RFC5: variants seen among roughly 807,000 people sequenced by gnomAD.
The protein encoded by RFC5 is replication factor C subunit 5.
A neutral mutation model predicts 44.3 loss-of-function variants in RFC5; 26 were observed. The ratio of observed to expected loss-of-function variants is 0.59; its 90% CI spans 0.43 to 0.81. The LOEUF is 0.81. Ranked by LOEUF, RFC5 falls within the 40% of genes least tolerant of loss-of-function variation. RFC5 has a pLI of 0.00. For missense variants in RFC5, 328 were observed against 418.6 expected, an observed-to-expected ratio of 0.78 and a Z score of 1.89; for synonymous variants, 155 against 155.2, an observed-to-expected ratio of 1.00 and a Z score of 0.01.
chr12:118,023,594 G>A (rs1395406896), intron 5 of RFC5, among the ~76,000 whole-genome samples: 2 of 152,058 alleles, frequency 1.3e-5, no homozygotes, highest in African/African-American at 4.8e-5. Flanking sequence ...TCTGCCGAGT[G>A]ACTGTCATTC....
chr12:118,029,944 T>G, intron 10 of RFC5, 119 bp downstream of exon 10: 1 of 766,392 alleles, frequency 1.3e-6, no homozygotes. Context: ...TACGGTACAA[T>G]CTAGTCTGGT....
At chr12:118,036,528 TG>T, downstream of RFC5, 1 of 1,602,226 alleles carries the variant, frequency 6.2e-7, no homozygotes, top group Non-Finnish European at 8.5e-7. Context: ...AAGTAAGAAG[TG>T]CCTGGTTAGG....
At chr12:118,020,625 C>T (rs1348014943) in intron 3 of RFC5, among the ~76,000 whole-genome samples, 1 of 152,192 alleles carries the variant, frequency 6.6e-6, no homozygotes, top group Non-Finnish European at 1.5e-5. Flanking sequence ...TATCATTCTG[C>T]TCATACCAGA....
downstream of RFC5, chr12:118,032,618 G>A (rs1461752739): frequency 6.6e-6 from 1 of 152,042 alleles, no homozygotes; most frequent in Non-Finnish European, 1.5e-5. Context: ...CAGAACCACA[G>A]GTAAATGCCA....
chr12:118,035,621 A>G (rs1185154171), downstream of RFC5: 3 of 330,466 alleles, frequency 9.1e-6, no homozygotes, highest in Admixed American at 9.2e-5. Flanking sequence ...TTTTTAGGCT[A>G]AGATACATGA....
chr12:118,028,623 A>T (rs2137735628), intron 9 of RFC5, among the ~76,000 whole-genome samples: 1 of 151,462 alleles, frequency 6.6e-6, no homozygotes, highest in Admixed American at 6.6e-5. Flanking sequence ...AGTAAGTAGT[A>T]TATATTAATT....
At chr12:118,040,001 C>T in the RFC5 span, among the ~76,000 whole-genome samples, 5 of 152,004 alleles carry the variant, frequency 3.3e-5, no homozygotes, top group Admixed American at 6.6e-5. Context: ...CCGCCTTGGC[C>T]TCCCAAAGTG....
In RFC5 at chr12:118,029,834, T is replaced by C. The variant is rs774890022; in HGVS notation, c.926+9T>C. ...AAAATGGCAGACATTGAGTGAGTAC[T>C]TCTTGCCCCAGTTTTAATTCTTTTC... On this transcript the variant is annotated intron_variant, in intron 10 of 10. Transcript: ENST00000454402. 6 of 1,575,174 alleles carry C rather than the reference T, an allele frequency of 3.8e-6. No individual in the cohort carries two copies. The African/African-American group carries it at 8.1e-5, about 21-fold the overall frequency.
chr12:118,023,943 G>A (rs1047122738), intron 5 of RFC5, among the ~76,000 whole-genome samples: 1 of 152,086 alleles, frequency 6.6e-6, no homozygotes, highest in Non-Finnish European at 1.5e-5. Flanking sequence ...TAGGCAGGGC[G>A]CAGTGGCTCA....
chr12:118,034,075 A>G (rs2031443143), downstream of RFC5: 16 of 1,364,190 alleles, frequency 1.2e-5, no homozygotes, highest in South Asian at 2.0e-4. Flanking sequence ...GCTACATTCT[A>G]TTCACAATCC....
Position 118,024,848 on chromosome 12 carries a change from T to G in RFC5, c.422-3T>G. ...ATGAGGTGGTTTTATTTTCTCTTAC[T>G]AGTAATTGAGAAATTCACAGAAAAT... On this transcript the variant is annotated splice_polypyrimidine_tract_variant and splice_region_variant and intron_variant, in intron 5 of 10. Transcript: ENST00000454402. The G allele has an allele frequency of 6.2e-7, 1 of 1,603,628 alleles. No individual in the cohort carries two copies.
At chr12:118,034,504 A>G, downstream of RFC5, 1 of 1,011,110 alleles carries the variant, frequency 9.9e-7, no homozygotes, top group Non-Finnish European at 1.4e-6. Context: ...ATGGATGTAA[A>G]ATTGTGGTGC....
chr12:118,020,786 T>C, intron 3 of RFC5, 120 bp from the exon 4 acceptor site: 1 of 564,918 alleles, frequency 1.8e-6, no homozygotes, highest in Non-Finnish European at 3.2e-6. Flanking sequence ...CTCTTAGCCA[T>C]CATTAGACAT....
downstream of RFC5, chr12:118,034,391 A>T (rs746582948): frequency 5.0e-6 from 8 of 1,604,580 alleles, no homozygotes; most frequent in Non-Finnish European, 6.8e-6. Context: ...GCTAAGACAG[A>T]GCTTGGATGT....
downstream of RFC5, chr12:118,036,277 C>A: frequency 6.4e-7 from 1 of 1,559,600 alleles, no homozygotes; most frequent in Non-Finnish European, 8.7e-7. Context: ...CATGTCTAAT[C>A]CCAGGCAGGT....
At chr12:118,036,253 G>C (rs2031506904), downstream of RFC5, 2 of 1,457,536 alleles carry the variant, frequency 1.4e-6, no homozygotes, top group Non-Finnish European at 1.9e-6. Flanking sequence ...CCATGTCCCA[G>C]ATTCTAAAAG....
chr12:118,021,135 G>A, intron 4 of RFC5, 150 bp downstream of exon 4: 1 of 575,150 alleles, frequency 1.7e-6, no homozygotes. Context: ...ATAAACGAGA[G>A]GGATGGTAGT....
chr12:118,030,413 T>C (rs2031238305), intron 10 of RFC5, among the ~76,000 whole-genome samples: 2 of 152,164 alleles, frequency 1.3e-5, no homozygotes, highest in Non-Finnish European at 2.9e-5. Context: ...GCTGGGCATT[T>C]AAAAGGTGGC....
chr12:118,023,982 T>C (rs1278250024), intron 5 of RFC5, among the ~76,000 whole-genome samples: 2 of 151,996 alleles, frequency 1.3e-5, no homozygotes, highest in South Asian at 4.1e-4. Flanking sequence ...TTTGGGAGGC[T>C]GAGGCAGGCA....
Sources: allele counts gnomAD v4.1 joint callset (sites outside exome capture counted in the v4.1 genomes callset), GRCh38; gene constraint gnomAD v4.1.1; transcripts MANE v1.5; gene names NCBI Gene and HGNC (gene_info 2026-07-23, HGNC 2026-07-21).